The following EHBP1 variants were observed in gnomAD, a reference collection of about 807,000 sequenced individuals.
EHBP1 encodes the protein EH domain binding protein 1.
A neutral mutation model predicts 144.0 loss-of-function variants in EHBP1; 55 were observed. That is an observed-to-expected ratio of 0.38 (90% CI 0.31 to 0.48). The LOEUF is 0.48. Among genes scored for constraint, EHBP1 ranks in the 20% least tolerant of loss-of-function variants. The pLI is 0.98. For synonymous variants in EHBP1, 469 were observed against 472.7 expected (o/e 0.99, Z 0.10); for missense variants, 1,200 against 1,364.2 (o/e 0.88, Z 1.90).
chr2:62,695,678 G>T (rs931714307), intron 1 of EHBP1, among the ~76,000 whole-genome samples: 6 of 152,028 alleles, frequency 3.9e-5, no homozygotes, highest in Non-Finnish European at 7.4e-5. Context: ...CAATATCTTC[G>T]ATCTAAAACT....
intron 16 of EHBP1, 92 bp downstream of exon 16, chr2:62,990,932 A>T (rs1237716917): frequency 1.8e-5 from 26 of 1,448,164 alleles, no homozygotes; most frequent in Non-Finnish European, 2.1e-5. Context: ...TTTTTTACCT[A>T]ATTTTTCACC....
At chr2:62,921,065 T>G (rs1433894726) in intron 10 of EHBP1, among the ~76,000 whole-genome samples, 1 of 152,232 alleles carries the variant, frequency 6.6e-6, no homozygotes, top group East Asian at 1.9e-4. Context: ...AGGTTATTGA[T>G]GGAGCTATTA....
At chr2:62,776,034 T>G (rs2042031316) in intron 5 of EHBP1, among the ~76,000 whole-genome samples, 1 of 152,212 alleles carries the variant, frequency 6.6e-6, no homozygotes, top group Admixed American at 6.5e-5. Flanking sequence ...AGTCTTTAAT[T>G]ATTGTTTATA....
chr2:62,911,849 A>T (rs948867191), intron 10 of EHBP1, among the ~76,000 whole-genome samples: 2 of 152,116 alleles, frequency 1.3e-5, no homozygotes, highest in Non-Finnish European at 2.9e-5. Context: ...CCATGGATAG[A>T]TTTGTCTGTG....
rs1266244652 is a variant in EHBP1, at chr2:62,948,607, A to C, written c.1761A>C (p.Gly587=). The change falls in exon 13 of 23, where the codon GGA becomes GGC. Residue 587 remains glycine, a synonymous_variant. Coordinates refer to ENST00000431489, the MANE Select transcript of EHBP1 (RefSeq NM_001142616.3). The stretch of plus-strand genomic sequence containing the variant: ...TATTTGTAAATGATAGCGGGGTTGG[A>C]GAGTCAGAAAGTGAGCATCAAACTC... ...DSVFVNDSGV[G]ESESEHQTPD... is the part of the protein sequence containing the mutation. 1.9e-6 allele frequency: 3 copies of C among 1,613,852 alleles called. No individual in the cohort carries two copies. The highest frequency in any genetic ancestry group is 8.5e-7 in the Non-Finnish European group (1 of 1,179,984).
intron 10 of EHBP1, among the ~76,000 whole-genome samples, chr2:62,918,304 T>C (rs143340131): frequency 6.6e-6 from 1 of 152,322 alleles, no homozygotes; most frequent in African/African-American, 2.4e-5. Context: ...AATAAATAAT[T>C]GTAGTACGGG....
At chr2:62,709,738 A>G (rs1055395353) in intron 2 of EHBP1, among the ~76,000 whole-genome samples, 1 of 151,982 alleles carries the variant, frequency 6.6e-6, no homozygotes, top group African/African-American at 2.4e-5. Flanking sequence ...TCCTAGAAGT[A>G]TTGGGGGTAC....
intron 1 of EHBP1, among the ~76,000 whole-genome samples, chr2:62,692,011 T>G (rs2033923150): frequency 6.6e-6 from 1 of 152,198 alleles, no homozygotes; most frequent in African/African-American, 2.4e-5. Flanking sequence ...TAATTTTAGG[T>G]CATTTTTATC....
chr2:62,768,546 G>A (rs1438625051), intron 4 of EHBP1, among the ~76,000 whole-genome samples: 1 of 152,082 alleles, frequency 6.6e-6, no homozygotes, highest in Non-Finnish European at 1.5e-5. Flanking sequence ...ACCAAAAAAA[G>A]CCCAGGACCA....
At chr2:62,993,400 T>C in intron 16 of EHBP1, 130 bp from the exon 17 acceptor site, 1 of 804,810 alleles carries the variant, frequency 1.2e-6, no homozygotes, top group Non-Finnish European at 1.8e-6. Flanking sequence ...TTTAAAGTGC[T>C]TTAAAATCCT....
chr2:62,674,723 A>C (rs1291867431), intron 1 of EHBP1, among the ~76,000 whole-genome samples: 1 of 152,240 alleles, frequency 6.6e-6, no homozygotes, highest in African/African-American at 2.4e-5. Context: ...TTGTGCAGCA[A>C]CAGTTTATTG....
At chr2:62,800,633 A>G (rs1384047065) in intron 5 of EHBP1, among the ~76,000 whole-genome samples, 1 of 152,072 alleles carries the variant, frequency 6.6e-6, no homozygotes, top group Admixed American at 6.5e-5. Context: ...TTTTTGTTCT[A>G]TTTTGTTTTT....
intron 8 of EHBP1, among the ~76,000 whole-genome samples, chr2:62,861,961 G>A (rs1406376336): frequency 6.6e-6 from 1 of 151,998 alleles, no homozygotes; most frequent in South Asian, 2.1e-4. Flanking sequence ...TTAAGCATTT[G>A]AGCCCTGATA....
chr2:62,697,187 G>C (rs2034129988), intron 1 of EHBP1, among the ~76,000 whole-genome samples: 1 of 152,084 alleles, frequency 6.6e-6, no homozygotes, highest in African/African-American at 2.4e-5. Context: ...TTGCATATTT[G>C]TAGTTACAAT....
chr2:63,045,035 CGG>C lies in EHBP1; in HGVS notation c.3278-30_3278-29del. 1 of 1,505,584 alleles carries C rather than the reference CGG, an allele frequency of 6.6e-7. No individual in the cohort carries two copies. The highest frequency in any genetic ancestry group is 9.0e-7 in the Non-Finnish European group (1 of 1,107,218). The allele number at this position is 1,505,584 out of a possible 1,614,324, so 93.3% of individuals were successfully genotyped here. A position where few individuals can be genotyped will look rare whatever the true frequency, so the allele number is the denominator to read the frequency against. Reference sequence around the variant, plus strand: ...GGGGCCGGGTGTTCGGAGGCCCTGCCGGTGGGTAACTAGCCTCCCGTCTTCTG... The same window carrying C: ...GGGGCCGGGTGTTCGGAGGCCCTGCCTGGGTAACTAGCCTCCCGTCTTCTG... On this transcript the variant is annotated intron_variant, in intron 21 of 22. Coordinates refer to ENST00000431489, the MANE Select transcript of EHBP1 (RefSeq NM_001142616.3). The surrounding 1 kb of genome is among the most constrained non-coding windows in gnomAD (Gnocchi z 5.7).
intron 5 of EHBP1, among the ~76,000 whole-genome samples, chr2:62,809,867 C>T (rs752469140): frequency 3.9e-5 from 6 of 152,046 alleles, no homozygotes; most frequent in Non-Finnish European, 8.8e-5. Context: ...TTTTTGCTGT[C>T]CTGTACAAAA....
chr2:62,845,763 T>C (rs1196539405), intron 7 of EHBP1, among the ~76,000 whole-genome samples: 1 of 151,406 alleles, frequency 6.6e-6, no homozygotes, highest in Non-Finnish European at 1.5e-5. Context: ...ACTTGGAGGT[T>C]GACATGAGAG....
At chr2:62,841,486 A>T (rs1416341041) in intron 7 of EHBP1, among the ~76,000 whole-genome samples, 1 of 152,234 alleles carries the variant, frequency 6.6e-6, no homozygotes, top group South Asian at 2.1e-4. Flanking sequence ...AACTTATAAT[A>T]AAAAAATAAA....
intron 10 of EHBP1, among the ~76,000 whole-genome samples, chr2:62,883,358 G>A (rs2152883218): frequency 6.6e-6 from 1 of 152,296 alleles, no homozygotes; most frequent in Admixed American, 6.5e-5. Context: ...ATGTTTCATT[G>A]CAGATACATT....
Sources: gnomAD v4.1 joint callset for allele counts (sites outside exome capture counted in the v4.1 genomes callset) on GRCh38, gnomAD v4.1.1 for gene constraint, Gnocchi (gnomAD v3.1) non-coding constraint, MANE v1.5 for transcripts, NCBI Gene and HGNC (gene_info 2026-07-23, HGNC 2026-07-21) for gene names.